RNF4: variants seen among roughly 807,000 people sequenced by gnomAD.
The protein encoded by RNF4 is E3 ubiquitin-protein ligase RNF4.
RNF4 carries 7 observed loss-of-function variants against 24.3 expected under a neutral mutation model. The ratio of observed to expected loss-of-function variants is 0.29; its 90% confidence interval spans 0.16 to 0.54. The LOEUF (loss-of-function observed/expected upper bound fraction) is 0.54. RNF4 is among the 20% of genes least tolerant of loss of function. The pLI is 0.95. For synonymous variants in RNF4, 83 were observed against 84.3 expected (o/e 0.98, Z 0.09); for missense variants, 209 against 248.5 (o/e 0.84, Z 1.07).
At chr4:2,508,480 C>T (rs767449733) in intron 4 of RNF4, among the ~76,000 whole-genome samples, 1 of 152,194 alleles carries the variant, frequency 6.6e-6, no homozygotes, top group African/African-American at 2.4e-5. Flanking sequence ...TGATGTGACT[C>T]GGCCACTGGG....
chr4:2,495,583 G>A lies in RNF4; in HGVS notation c.10-1424G>A, dbSNP rs577906197. On this transcript the variant is annotated intron_variant, in intron 2 of 7. Transcript: ENST00000314289. ...GGACAGGGCACAGGGAGAAGAGCAC[G>A]GAAACACCAGTGGGAATACAAGGTG... Among the ~76,000 whole-genome samples the A allele has an allele frequency of 5.4e-5, 8 of 149,034 alleles. No homozygotes were observed. In the South Asian group the frequency reaches 8.5e-4, roughly 16 times the overall value.
intron 4 of RNF4, among the ~76,000 whole-genome samples, chr4:2,503,340 G>A (rs1473353912): frequency 6.6e-6 from 1 of 152,126 alleles, no homozygotes; most frequent in Admixed American, 6.6e-5. Context: ...CAGTCATTGG[G>A]AGACCCGGGG....
At chr4:2,471,297 G>C (rs909381968) in intron 1 of RNF4, among the ~76,000 whole-genome samples, 1 of 152,182 alleles carries the variant, frequency 6.6e-6, no homozygotes, top group African/African-American at 2.4e-5. Flanking sequence ...ATCTGTTATA[G>C]TGACCTGTGA....
At chr4:2,482,458 C>G (rs766032144) in intron 1 of RNF4, among the ~76,000 whole-genome samples, 2 of 152,224 alleles carry the variant, frequency 1.3e-5, no homozygotes, top group Non-Finnish European at 1.5e-5. Flanking sequence ...ATCTGAGGTA[C>G]ATCTGCCCCT....
chr4:2,513,632 G>A (rs918750750), intron 7 of RNF4, 38 bp from the exon 8 acceptor site: 31 of 1,610,210 alleles, frequency 1.9e-5, no homozygotes, highest in Non-Finnish European at 2.6e-5. Flanking sequence ...TCTGGGACAA[G>A]GGCAAACTCG....
At position 2,509,508 on chromosome 4, in the gene RNF4, G is replaced by A. The variant is rs114029459; in HGVS notation, c.205-2448G>A. Among the ~76,000 whole-genome samples, 1,218 of 152,184 alleles carry A rather than the reference G, an allele frequency of 8.0e-3. 18 individuals carry two copies. Among genetic ancestry groups the A allele is most frequent in the African/African-American group, 0.028 (1,156 of 41,484 alleles). On this transcript the variant is annotated intron_variant, in intron 4 of 7. Coordinates refer to ENST00000314289, the MANE Select transcript of RNF4 (RefSeq NM_002938.5). ...GCTGAGATTCCAGGTGTGAGCCACC[G>A]CGCCCAGCCTGTGGTGTTGTTCTTA...
chr4:2,513,628 A>T (rs972937916), intron 7 of RNF4, 42 bp from the exon 8 acceptor site: 1 of 1,609,672 alleles, frequency 6.2e-7, no homozygotes. Context: ...CTGCTCTGGG[A>T]CAAGGGCAAA....
intron 1 of RNF4, among the ~76,000 whole-genome samples, chr4:2,473,406 C>T (rs529902901): frequency 2.6e-5 from 4 of 152,120 alleles, no homozygotes; most frequent in Admixed American, 2.6e-4. Context: ...ATTAACACAA[C>T]AAGAACTTGG....
intron 2 of RNF4, among the ~76,000 whole-genome samples, chr4:2,492,311 G>A (rs1484271443): frequency 6.6e-6 from 1 of 152,130 alleles, no homozygotes; most frequent in African/African-American, 2.4e-5. Flanking sequence ...CCCAGAGTGA[G>A]CGACAATACC....
intron 4 of RNF4, among the ~76,000 whole-genome samples, chr4:2,510,284 G>C (rs569757737): frequency 6.6e-6 from 1 of 152,192 alleles, no homozygotes; most frequent in Admixed American, 6.5e-5. Context: ...GCCTAAATCA[G>C]CAGTGTCTGG....
chr4:2,485,850 G>A (rs78287554), intron 1 of RNF4, among the ~76,000 whole-genome samples: 1,701 of 152,290 alleles, frequency 0.011, 60 homozygotes, highest in East Asian at 0.092. Flanking sequence ...CATACTGGAC[G>A]AGAGACTGGA....
chr4:2,495,213 T>C (rs756063838), intron 2 of RNF4, among the ~76,000 whole-genome samples: 2 of 152,180 alleles, frequency 1.3e-5, no homozygotes, highest in South Asian at 4.1e-4. Flanking sequence ...AGACCCAGCT[T>C]CATTTCCAAA....
At chr4:2,511,112 G>C (rs912043336) in intron 4 of RNF4, among the ~76,000 whole-genome samples, 2 of 152,262 alleles carry the variant, frequency 1.3e-5, no homozygotes, top group Non-Finnish European at 2.9e-5. Flanking sequence ...CCCTAGTGCT[G>C]TCTAAATGTT....
chr4:2,487,263 C>T (rs1439430456), intron 1 of RNF4, among the ~76,000 whole-genome samples: 2 of 152,114 alleles, frequency 1.3e-5, no homozygotes, highest in Admixed American at 1.3e-4. Flanking sequence ...TGCACCGTCA[C>T]ATCTGGCTAT....
chr4:2,475,879 C>T (rs1037466833), intron 1 of RNF4, among the ~76,000 whole-genome samples: 2 of 152,188 alleles, frequency 1.3e-5, no homozygotes, highest in Non-Finnish European at 2.9e-5. Flanking sequence ...GAGCTCGAAA[C>T]TTCACCCCAC....
rs1385921757 is a variant in RNF4, at chr4:2,500,672, T to C, written c.138T>C (p.Ile46=). The C allele has an allele frequency of 1.9e-6, 3 of 1,613,918 alleles. No homozygotes were observed. The South Asian group carries it at 3.3e-5, about 18-fold the overall frequency. The change falls in exon 4 of 8, where the codon ATT becomes ATC. Residue 46 remains isoleucine (I), a synonymous_variant. Coordinates refer to ENST00000314289, the MANE Select transcript of RNF4 (RefSeq NM_002938.5). The part of the protein sequence containing the change: ...IELVETAGDE[I]VDLTCESLEP... ...TTTCTTTTGAAGCTGGAGATGAAAT[T>C]GTGGACCTCACTTGTGAATCTTTAG...
intron 2 of RNF4, among the ~76,000 whole-genome samples, chr4:2,494,412 T>G (rs1230026028): frequency 1.4e-5 from 2 of 145,310 alleles, no homozygotes; most frequent in African/African-American, 5.1e-5. Flanking sequence ...AGTCTCACTC[T>G]GTCGCCCAGG....
At chr4:2,493,936 G>A (rs1343235325) in intron 2 of RNF4, among the ~76,000 whole-genome samples, 6 of 151,028 alleles carry the variant, frequency 4.0e-5, no homozygotes, top group Non-Finnish European at 7.4e-5. Flanking sequence ...TCTGCTGCCC[G>A]GGTTCAAGCG....
At chr4:2,478,670 A>T (rs867408152) in intron 1 of RNF4, among the ~76,000 whole-genome samples, 1 of 152,258 alleles carries the variant, frequency 6.6e-6, no homozygotes, top group African/African-American at 2.4e-5. Flanking sequence ...GAAGTCAACA[A>T]TGAGGGTTTG....
Sources: gnomAD v4.1 joint callset for allele counts (sites outside exome capture counted in the v4.1 genomes callset) on GRCh38, gnomAD v4.1.1 for gene constraint, MANE v1.5 for transcripts, NCBI Gene and HGNC (gene_info 2026-07-23, HGNC 2026-07-21) for gene names.